The following LRRC63 variants were observed in gnomAD, a reference collection of about 807,000 sequenced individuals.
The protein encoded by LRRC63 is leucine rich repeat containing 63, also known as leucine-rich repeat-containing protein 63.
LRRC63 carries 40 observed loss-of-function variants against 49.5 expected under a neutral mutation model. That is an observed-to-expected ratio of 0.81 (90% CI 0.63 to 1.05). The LOEUF is 1.05. Among genes scored for constraint, LRRC63 ranks in the 50% least tolerant of loss-of-function variants. LRRC63 has a pLI of 0.00. For synonymous variants in LRRC63, 191 were observed against 221.1 expected (o/e 0.86, Z 1.21); for missense variants, 636 against 663.1 (o/e 0.96, Z 0.45).
chr13:46,211,928 A>C (rs961431508), upstream of LRRC63: 1 of 153,044 alleles, frequency 6.5e-6, no homozygotes, highest in African/African-American at 2.4e-5. Flanking sequence ...CTGCGCGTCA[A>C]GTGGCTGGGC....
At chr13:46,258,638 TC>T (rs2047562528) in intron 7 of LRRC63, among the ~76,000 whole-genome samples, 3 of 150,448 alleles carry the variant, frequency 2.0e-5, no homozygotes, top group Non-Finnish European at 4.4e-5. Context: ...TGAAACCCCA[TC>T]TCTACTAAAA....
At chr13:46,234,905 A>G (rs2046863563) in intron 5 of LRRC63, among the ~76,000 whole-genome samples, 2 of 152,178 alleles carry the variant, frequency 1.3e-5, no homozygotes, top group South Asian at 4.1e-4. Flanking sequence ...CTCAAAATCA[A>G]TGCTTTTTTA....
At chr13:46,266,772 T>A in exon 9 of LRRC63, 3 of 1,549,744 alleles carry the variant, frequency 1.9e-6, no homozygotes, top group Non-Finnish European at 2.6e-6. Context: ...ATGAACTGAG[T>A]TTTTTCCCCC....
At chr13:46,234,153 C>T in intron 4 of LRRC63, 39 bp from the exon 5 acceptor site, 1 of 1,501,262 alleles carries the variant, frequency 6.7e-7, no homozygotes, top group East Asian at 2.5e-5. Flanking sequence ...AGTGATAACA[C>T]ATTTAAATTT....
intron 2 of LRRC63, among the ~76,000 whole-genome samples, chr13:46,225,556 G>T (rs1444869174): frequency 1.3e-5 from 2 of 152,160 alleles, no homozygotes; most frequent in East Asian, 1.9e-4. Flanking sequence ...ATGGTGAGAT[G>T]GTGGTAGTTG....
intron 7 of LRRC63, among the ~76,000 whole-genome samples, chr13:46,258,754 A>G (rs191855918): frequency 9.5e-4 from 140 of 147,410 alleles, no homozygotes; most frequent in Admixed American, 1.6e-3. Context: ...GGTTGCAGTG[A>G]GCCAAGATCA....
chr13:46,259,839 AG>A (rs1469307604), intron 7 of LRRC63, among the ~76,000 whole-genome samples: 1 of 152,216 alleles, frequency 6.6e-6, no homozygotes, highest in Non-Finnish European at 1.5e-5. Flanking sequence ...TATTTATATC[AG>A]TGTGGTGGTC....
intron 8 of LRRC63, among the ~76,000 whole-genome samples, chr13:46,264,476 C>T (rs575710039): frequency 1.0e-3 from 153 of 151,966 alleles, no homozygotes; most frequent in African/African-American, 3.5e-3. Context: ...TCTTCTACTT[C>T]GTCTTTGCCT....
At chr13:46,258,353 A>T (rs865984255) in intron 7 of LRRC63, among the ~76,000 whole-genome samples, 17 of 147,618 alleles carry the variant, frequency 1.2e-4, no homozygotes, top group East Asian at 2.1e-4. Context: ...CTGGTCTTGA[A>T]CTCCTGACCT....
At chr13:46,260,571 G>A (rs10507539) in intron 7 of LRRC63, among the ~76,000 whole-genome samples, 44,540 of 151,994 alleles carry the variant, frequency 0.29, 6,895 homozygotes, top group East Asian at 0.39. Flanking sequence ...ATTGCACGAT[G>A]TGATGGGTAC....
At chr13:46,266,108 C>A (rs966299363) in intron 8 of LRRC63, among the ~76,000 whole-genome samples, 4 of 152,160 alleles carry the variant, frequency 2.6e-5, no homozygotes, top group Non-Finnish European at 5.9e-5. Context: ...ATGTGTCTCT[C>A]ATGAACAGAC....
At chr13:46,270,335 T>G in intron 9 of LRRC63, 2 of 859,956 alleles carry the variant, frequency 2.3e-6, no homozygotes, top group Admixed American at 1.7e-5. Context: ...GAAATTTAAG[T>G]GGGGGGCACA....
intron 7 of LRRC63, among the ~76,000 whole-genome samples, chr13:46,256,674 G>A (rs1668214559): frequency 6.6e-6 from 1 of 152,144 alleles, no homozygotes. Flanking sequence ...ATCCACAAAT[G>A]GAGAAAAGTT....
intron 5 of LRRC63, among the ~76,000 whole-genome samples, chr13:46,236,383 G>A (rs2046905637): frequency 6.6e-6 from 1 of 152,096 alleles, no homozygotes; most frequent in Non-Finnish European, 1.5e-5. Flanking sequence ...TAATCTAATT[G>A]TCAAAAGCCA....
At chr13:46,249,972 T>G (rs1484721444) in intron 6 of LRRC63, 1 of 154,054 alleles carries the variant, frequency 6.5e-6, no homozygotes, top group East Asian at 1.9e-4. Context: ...CTTTGATCTC[T>G]AACACTTTTC....
intron 5 of LRRC63, 41 bp from the exon 6 acceptor site, chr13:46,246,486 T>C: frequency 1.0e-6 from 1 of 980,514 alleles, no homozygotes. Context: ...TTTTGTGCCT[T>C]GTTAGTGATT....
At chr13:46,265,018 G>A (rs540194042) in intron 8 of LRRC63, among the ~76,000 whole-genome samples, 7 of 152,062 alleles carry the variant, frequency 4.6e-5, no homozygotes, top group Admixed American at 2.0e-4. Flanking sequence ...TTAGCCAGGC[G>A]TGGTGGTGGT....
intron 7 of LRRC63, among the ~76,000 whole-genome samples, chr13:46,257,917 A>T (rs919262689): frequency 6.6e-6 from 1 of 151,410 alleles, no homozygotes; most frequent in Non-Finnish European, 1.5e-5. Flanking sequence ...ATATGCATAT[A>T]TTTTTTTTCC....
At chr13:46,236,372 AT>A (rs2046905140) in intron 5 of LRRC63, among the ~76,000 whole-genome samples, 1 of 152,198 alleles carries the variant, frequency 6.6e-6, no homozygotes, top group Non-Finnish European at 1.5e-5. Flanking sequence ...AATGAGACAT[AT>A]AATCTAATTG....
Sources: gnomAD v4.1 joint callset for allele counts (sites outside exome capture counted in the v4.1 genomes callset) on GRCh38, gnomAD v4.1.1 for gene constraint, MANE v1.5 for transcripts, NCBI Gene and HGNC (gene_info 2026-07-23, HGNC 2026-07-21) for gene names.